Variants in STK32B observed in about 807,000 individuals in gnomAD.
STK32B encodes serine/threonine-protein kinase 32B.
STK32B carries 43 observed loss-of-function variants against 52.6 expected under a neutral mutation model. The observed-to-expected ratio is 0.82, with a 90% confidence interval of 0.64 to 1.05. The LOEUF (loss-of-function observed/expected upper bound fraction) is 1.05, where lower values mean the gene tolerates loss of function less well. Ranked by LOEUF, STK32B falls within the 50% of genes least tolerant of loss-of-function variation. STK32B has a pLI of 0.00. For synonymous variants in STK32B, 238 were observed against 204.3 expected (o/e 1.17, Z -1.41); for missense variants, 621 against 534.6 (o/e 1.16, Z -1.59).
At chr4:5,416,793 C>T (rs1577468139) in intron 5 of STK32B, 52 bp from the exon 6 acceptor site, 2 of 1,544,908 alleles carry the variant, frequency 1.3e-6, no homozygotes, top group Non-Finnish European at 1.8e-6. Context: ...CTTTAAATAA[C>T]CCAGCTGCCT....
At chr4:5,171,245 C>A (rs201454964) in intron 3 of STK32B, among the ~76,000 whole-genome samples, 25,781 of 151,862 alleles carry the variant, frequency 0.17, 2,820 homozygotes, top group East Asian at 0.3. Context: ...AATTTTCTCC[C>A]ATTCTGTAGG....
chr4:5,118,194 G>C (rs1282758885), intron 1 of STK32B, among the ~76,000 whole-genome samples: 2 of 152,096 alleles, frequency 1.3e-5, no homozygotes, highest in Admixed American at 6.5e-5. Context: ...CTGTGCTTTT[G>C]TTTGCTAGGG....
chr4:5,110,682 CT>C (rs991240863), intron 1 of STK32B, among the ~76,000 whole-genome samples: 2 of 152,020 alleles, frequency 1.3e-5, no homozygotes, highest in African/African-American at 4.8e-5. Context: ...GGGAAATGCT[CT>C]TCTGGACATC....
intron 3 of STK32B, among the ~76,000 whole-genome samples, chr4:5,284,670 T>G (rs527365114): frequency 1.3e-5 from 2 of 152,328 alleles, no homozygotes; most frequent in South Asian, 4.1e-4. Flanking sequence ...TGTATGACGG[T>G]AATAATTTTA....
At chr4:5,495,337 C>T (rs143805540) in intron 11 of STK32B, among the ~76,000 whole-genome samples, 1,923 of 152,270 alleles carry the variant, frequency 0.013, 21 homozygotes, top group Non-Finnish European at 0.021. Flanking sequence ...CATGTTCCAT[C>T]GCTGATACCA....
intron 3 of STK32B, among the ~76,000 whole-genome samples, chr4:5,274,827 C>G (rs976641039): frequency 2.0e-5 from 3 of 152,278 alleles, no homozygotes; most frequent in Middle Eastern, 3.4e-3. Context: ...CGGTTGCAGA[C>G]CCGCCGCTGA....
At chr4:5,104,191 G>C (rs1010345925) in intron 1 of STK32B, among the ~76,000 whole-genome samples, 1 of 152,088 alleles carries the variant, frequency 6.6e-6, no homozygotes, top group Non-Finnish European at 1.5e-5. Context: ...TGAATCGTGG[G>C]GGTGGTTTCC....
At chr4:5,107,664 C>G (rs774616676) in intron 1 of STK32B, among the ~76,000 whole-genome samples, 1 of 152,170 alleles carries the variant, frequency 6.6e-6, no homozygotes, top group Non-Finnish European at 1.5e-5. Context: ...AAGAACTCTA[C>G]CTCATCGTCT....
Position 5,051,646 on chromosome 4 carries a change from G to A in STK32B, c.-218G>A, listed in dbSNP as rs1384000226. The A allele has an allele frequency of 1.8e-6, 1 of 546,570 alleles. No homozygotes were observed. Among genetic ancestry groups the A allele is most frequent in the Non-Finnish European group, 3.1e-6 (1 of 322,586 alleles). 33.9% of individuals were successfully genotyped at this position (546,570 alleles called of 1,614,324 possible). On this transcript the variant is annotated 5_prime_UTR_variant, in exon 1 of 12. Coordinates refer to ENST00000282908, the MANE Select transcript of STK32B (RefSeq NM_018401.3). ...CGAGGCGGGGCACGGCGGAAGGCGC[G>A]GCGAGAGCGGGGTCCCTGCGAGCGC...
chr4:5,340,846 A>G (rs1014221142), intron 4 of STK32B, among the ~76,000 whole-genome samples: 1 of 152,226 alleles, frequency 6.6e-6, no homozygotes, highest in Non-Finnish European at 1.5e-5. Context: ...ACACCCACAC[A>G]TATATAATAG....
At chr4:5,352,519 C>G (rs1440653776) in intron 4 of STK32B, among the ~76,000 whole-genome samples, 1 of 151,776 alleles carries the variant, frequency 6.6e-6, no homozygotes, top group Non-Finnish European at 1.5e-5. Context: ...AAATCCTTTC[C>G]CCTAGGAACT....
At chr4:5,237,486 G>A (rs545415677) in intron 3 of STK32B, among the ~76,000 whole-genome samples, 1 of 152,292 alleles carries the variant, frequency 6.6e-6, no homozygotes, top group East Asian at 1.9e-4. Context: ...TCTTCAATGA[G>A]GTCTCCAGGC....
chr4:5,222,951 C>T (rs74933076), intron 3 of STK32B, among the ~76,000 whole-genome samples: 3,059 of 152,232 alleles, frequency 0.02, 29 homozygotes, highest in African/African-American at 0.037. Context: ...TTGGGATAGC[C>T]GTACCCATCA....
chr4:5,247,192 A>C (rs1475659165), intron 3 of STK32B, among the ~76,000 whole-genome samples: 1 of 152,232 alleles, frequency 6.6e-6, no homozygotes, highest in Non-Finnish European at 1.5e-5. Context: ...AGAGGCAGGC[A>C]GGCCTCCTTG....
chr4:5,456,766 T>G (rs1206093124), intron 7 of STK32B, 41 bp from the exon 8 acceptor site: 28 of 1,504,094 alleles, frequency 1.9e-5, no homozygotes, highest in Non-Finnish European at 2.4e-5. Flanking sequence ...TGCCTTCCAA[T>G]GGCTCTCTCT....
intron 1 of STK32B, among the ~76,000 whole-genome samples, chr4:5,118,879 A>G (rs1392611362): frequency 6.6e-6 from 1 of 152,086 alleles, no homozygotes; most frequent in Non-Finnish European, 1.5e-5. Flanking sequence ...GCAGCAGAGG[A>G]CCTGTGTTGT....
intron 5 of STK32B, among the ~76,000 whole-genome samples, chr4:5,411,038 CT>C (rs761947959): frequency 2.5e-3 from 350 of 141,258 alleles, no homozygotes; most frequent in South Asian, 3.2e-3. Flanking sequence ...GGCCCCATCT[CT>C]TTTTTTTTTT....
At chr4:5,493,593 A>G (rs1351906791) in intron 11 of STK32B, among the ~76,000 whole-genome samples, 2 of 151,640 alleles carry the variant, frequency 1.3e-5, no homozygotes, top group African/African-American at 4.9e-5. Context: ...TTCTGCTCTG[A>G]TTTTAGTTAT....
At chr4:5,439,903 C>T (rs1293506276) in intron 6 of STK32B, among the ~76,000 whole-genome samples, 1 of 152,058 alleles carries the variant, frequency 6.6e-6, no homozygotes, top group Non-Finnish European at 1.5e-5. Context: ...TGTCAAAGAT[C>T]AGATAGTTGT....
Sources: allele counts gnomAD v4.1 joint callset (sites outside exome capture counted in the v4.1 genomes callset), GRCh38; gene constraint gnomAD v4.1.1; transcripts MANE v1.5; gene names NCBI Gene and HGNC (gene_info 2026-07-23, HGNC 2026-07-21).